Variants in PDE3A observed in about 807,000 individuals in gnomAD.
PDE3A encodes the protein cGMP-inhibited 3',5'-cyclic phosphodiesterase 3A.
Under a neutral mutation model 98.3 loss-of-function variants are expected in PDE3A, and 43 were observed. That is an observed-to-expected ratio of 0.44 (90% CI 0.34 to 0.56). The LOEUF is 0.56. PDE3A is among the 20% of genes least tolerant of loss of function. The pLI is 0.01. For missense variants in PDE3A, 1,427 were observed against 1,440.7 expected, an observed-to-expected ratio of 0.99 and a Z score of 0.15; for synonymous variants, 663 against 567.9, an observed-to-expected ratio of 1.17 and a Z score of -2.38.
Position 20,370,110 on chromosome 12 carries a change from A to T in PDE3A, c.826A>T (p.Ile276Phe). ...AAGGGAGCATTTGGGGTCCCAGCTGATTGCTGGGACCAAGGAAGATATCCC... is the reference window on the plus strand; with the variant it reads ...AAGGGAGCATTTGGGGTCCCAGCTGTTTGCTGGGACCAAGGAAGATATCCC... ...APREHLGSQL[I>F]AGTKEDIPVF... The change falls in exon 1 of 16, where the codon ATT becomes TTT. Residue 276 changes from isoleucine to phenylalanine, a missense_variant. Around this residue, in one of 3 missense-constraint regions of PDE3A, gnomAD observed 1,012 missense variants for 886.5 expected, o/e 1.14. Coordinates refer to ENST00000359062, the MANE Select transcript of PDE3A (RefSeq NM_000921.5). 4 of 1,613,022 alleles carry T rather than the reference A, an allele frequency of 2.5e-6. No homozygotes were observed. Among genetic ancestry groups the T allele is most frequent in the Admixed American group, 1.7e-5 (1 of 60,008 alleles).
intron 1 of PDE3A, among the ~76,000 whole-genome samples, chr12:20,555,688 C>A (rs1466147603): frequency 6.6e-6 from 1 of 152,182 alleles, no homozygotes; most frequent in African/African-American, 2.4e-5. Context: ...TAGAATTGAG[C>A]ACTCAATAGT....
chr12:20,620,219 G>GAT (rs1944100118), intron 4 of PDE3A, among the ~76,000 whole-genome samples: 1 of 151,896 alleles, frequency 6.6e-6, no homozygotes, highest in Non-Finnish European at 1.5e-5. Flanking sequence ...ATCAATTTTA[G>GAT]GTTTATTTAC....
intron 8 of PDE3A, 22 bp downstream of exon 8, chr12:20,635,078 C>A: frequency 6.3e-7 from 1 of 1,590,692 alleles, no homozygotes; most frequent in Admixed American, 1.8e-5. Context: ...TCACTTAACT[C>A]ACTCATTTAC....
intron 1 of PDE3A, among the ~76,000 whole-genome samples, chr12:20,510,280 C>A (rs1055241029): frequency 3.3e-5 from 5 of 151,732 alleles, no homozygotes; most frequent in African/African-American, 1.2e-4. Context: ...AATTTGTCAG[C>A]CAGTTTAATT....
intron 1 of PDE3A, among the ~76,000 whole-genome samples, chr12:20,384,484 T>C (rs1161451453): frequency 6.6e-6 from 1 of 151,978 alleles, no homozygotes; most frequent in Non-Finnish European, 1.5e-5. Flanking sequence ...TTTAAAGAGA[T>C]GTATTTGCAG....
At chr12:20,607,999 T>C (rs971624980) in intron 2 of PDE3A, among the ~76,000 whole-genome samples, 1 of 152,240 alleles carries the variant, frequency 6.6e-6, no homozygotes, top group African/African-American at 2.4e-5. Context: ...AAAAAACTTC[T>C]GTGTGAATCA....
chr12:20,574,342 A>G lies in PDE3A; in HGVS notation c.1011+17632A>G, dbSNP rs1942876806. Among the ~76,000 whole-genome samples, 4 of 152,106 alleles carry G rather than the reference A, an allele frequency of 2.6e-5. No homozygotes were observed. In the South Asian group the frequency reaches 8.3e-4, roughly 31 times the overall value. ...GCAGGACTTCACATTAACTGAAATC[A>G]AAGACAGCCTGGTACAGTGGTGAAG... On this transcript the variant is annotated intron_variant, in intron 2 of 15. Transcript: ENST00000359062.
intron 15 of PDE3A, among the ~76,000 whole-genome samples, chr12:20,660,156 G>A (rs951305252): frequency 6.6e-6 from 1 of 152,094 alleles, no homozygotes; most frequent in Non-Finnish European, 1.5e-5. Flanking sequence ...TTTATAAGAG[G>A]CTTTTCCCCC....
intron 1 of PDE3A, among the ~76,000 whole-genome samples, chr12:20,487,669 T>A (rs139150481): frequency 5.4e-4 from 81 of 148,896 alleles, no homozygotes; most frequent in South Asian, 4.6e-3. Context: ...AAAAAATAAA[T>A]AAATAAAAAA....
chr12:20,650,908 A>G (rs888511591), intron 14 of PDE3A, among the ~76,000 whole-genome samples: 1 of 152,136 alleles, frequency 6.6e-6, no homozygotes, highest in African/African-American at 2.4e-5. Flanking sequence ...ATTTATTATC[A>G]TAGAAGGTAG....
chr12:20,604,150 T>C (rs1328895891), intron 2 of PDE3A, among the ~76,000 whole-genome samples: 2 of 136,322 alleles, frequency 1.5e-5, no homozygotes, highest in East Asian at 4.3e-4. Flanking sequence ...GCCTGGGCCA[T>C]AGAGCGAGAC....
rs1198948333 is a variant in PDE3A, at chr12:20,680,236, G to A, written c.3391G>A (p.Gly1131Ser). The change falls in exon 16 of 16, where the codon GGC (glycine) becomes AGC (serine). Residue 1131 changes from glycine to serine, a missense_variant. Gly to Ser is a moderately conservative substitution (Grantham distance 56). Coordinates refer to ENST00000359062, the MANE Select transcript of PDE3A (RefSeq NM_000921.5). ...AGAAGAAGAGAAAGGGAAACCAAGA[G>A]GCGAGGAGATACCAACCCAAAAGCC... ...EEEEEKGKPR[G>S]EEIPTQKPDQ is the part of the protein sequence containing the mutation. 2.5e-5 allele frequency: 41 copies of A among 1,613,960 alleles called. No homozygotes were observed. In the East Asian group the frequency reaches 8.7e-4, roughly 34 times the overall value.
At position 20,431,911 on chromosome 12, in the gene PDE3A, A is replaced by C. The variant is rs147063122; in HGVS notation, c.960+61667A>C. 2.6e-3 allele frequency among the ~76,000 whole-genome samples: 398 copies of C among 152,328 alleles called. 4 individuals are homozygous for C. The highest frequency in any genetic ancestry group is 1.5e-3 in the Non-Finnish European group (101 of 68,026). Reference sequence around the variant, plus strand: ...TTTTTGTTTGCTGAGTATTAAGGCAAAATTTTTAAACAAATGAAATTAAGT... The same window carrying C: ...TTTTTGTTTGCTGAGTATTAAGGCACAATTTTTAAACAAATGAAATTAAGT... On this transcript the variant is annotated intron_variant, in intron 1 of 15. Transcript: ENST00000359062.
Position 20,654,185 on chromosome 12 carries a change from G to A in PDE3A, c.3164G>A (p.Cys1055Tyr), listed in dbSNP as rs753904061. ...CCAGCACCAAATGAAGAGGAAACCT[G>A]TGAAAATAATGAATCTCCAAGTAAG... Reference protein sequence around the residue: ...EAPAPNEEETCENNESPKKKT... With the variant: ...EAPAPNEEETYENNESPKKKT... Residue 1055 changes from cysteine to tyrosine, a missense_variant, in exon 15 of 16, where the codon TGT (cysteine) becomes TAT (tyrosine). Cys to Tyr is a radical substitution (Grantham distance 194). Coordinates refer to ENST00000359062, the MANE Select transcript of PDE3A (RefSeq NM_000921.5). 6 of 1,613,954 alleles carry A rather than the reference G, an allele frequency of 3.7e-6. No individual in the cohort carries two copies. Among genetic ancestry groups the A allele is most frequent in the Non-Finnish European group, 5.1e-6 (6 of 1,179,972 alleles).
chr12:20,517,120 T>C (rs1946335879), intron 1 of PDE3A, among the ~76,000 whole-genome samples: 1 of 152,240 alleles, frequency 6.6e-6, no homozygotes, highest in Admixed American at 6.5e-5. Context: ...ATTTCATACT[T>C]TCCAATGCGG....
At chr12:20,394,738 A>G (rs1229828618) in intron 1 of PDE3A, among the ~76,000 whole-genome samples, 13 of 152,130 alleles carry the variant, frequency 8.5e-5, no homozygotes, top group African/African-American at 2.9e-4. Flanking sequence ...GTGACTTTTC[A>G]TGTTTTTAAG....
intron 1 of PDE3A, among the ~76,000 whole-genome samples, chr12:20,422,969 TGTA>T (rs1203375255): frequency 5.9e-5 from 9 of 152,166 alleles, no homozygotes; most frequent in African/African-American, 9.7e-5. Flanking sequence ...AGTTTAATAT[TGTA>T]GTGCATGATA....
intron 15 of PDE3A, among the ~76,000 whole-genome samples, chr12:20,662,528 G>A (rs34774965): frequency 0.011 from 1,643 of 152,258 alleles, 13 homozygotes; most frequent in South Asian, 0.029. Flanking sequence ...GGCCTGTAGC[G>A]CCTTTGTTTC....
chr12:20,429,983 G>A (rs1011925009), intron 1 of PDE3A, among the ~76,000 whole-genome samples: 9 of 151,968 alleles, frequency 5.9e-5, no homozygotes, highest in Admixed American at 4.6e-4. Flanking sequence ...ATTTCTTTGT[G>A]TATGTTTTCA....
Sources: gnomAD v4.1 joint callset for allele counts (sites outside exome capture counted in the v4.1 genomes callset) on GRCh38, gnomAD v4.1.1 for gene constraint, gnomAD v4.1.1 regional missense constraint, MANE v1.5 for transcripts, NCBI Gene and HGNC (gene_info 2026-07-23, HGNC 2026-07-21) for gene names.